SSX2IP: variants seen among roughly 807,000 people sequenced by gnomAD.
SSX2IP encodes the protein afadin- and alpha-actinin-binding protein.
Under a neutral mutation model 84.9 loss-of-function variants are expected in SSX2IP, and 55 were observed. That is an observed-to-expected ratio of 0.65 (90% CI 0.52 to 0.81). The LOEUF (loss-of-function observed/expected upper bound fraction) is 0.81. Ranked by LOEUF, SSX2IP falls within the 30% of genes least tolerant of loss-of-function variation. The pLI, the probability that SSX2IP is intolerant of heterozygous loss-of-function variation, is 0.00. For missense variants in SSX2IP, 664 were observed against 705.2 expected (o/e 0.94, Z 0.66); for synonymous variants, 239 against 234.7 (o/e 1.02, Z -0.17).
Position 84,662,498 on chromosome 1 carries a change from C to A in SSX2IP, c.706G>T (p.Asp236Tyr). 6.2e-7 allele frequency: 1 copy of A among 1,613,958 alleles called. No individual in the cohort carries two copies. The highest frequency in any genetic ancestry group is 8.5e-7 in the Non-Finnish European group (1 of 1,179,916). Residue 236 changes from aspartate (D) to tyrosine (Y), a missense_variant, in exon 7 of 14, where the codon GAT (aspartate) becomes TAT (tyrosine). Asp to Tyr is a radical substitution (Grantham distance 160). Coordinates refer to ENST00000342203, the MANE Select transcript of SSX2IP (RefSeq NM_001166293.2). ...MDILNYVGRA[D>Y]GKRGSWRTGK... ...GTCCTCCAGGAGCCTCTTTTTCCAT[C>A]AGCTCTCCCGACATAATTCAAAATG...
intron 11 of SSX2IP, chr1:84,655,593 A>G: frequency 6.9e-7 from 1 of 1,459,198 alleles, no homozygotes; most frequent in Non-Finnish European, 9.1e-7. Context: ...GCCAATCTGA[A>G]AGCAGTAATA....
At chr1:84,659,899 A>G (rs1275709702) in intron 8 of SSX2IP, among the ~76,000 whole-genome samples, 2 of 152,064 alleles carry the variant, frequency 1.3e-5, no homozygotes, top group African/African-American at 4.8e-5. Context: ...GGCTGGGCAC[A>G]GTGGCTCATG....
chr1:84,647,331 A>T lies in SSX2IP; in HGVS notation c.*102T>A. On this transcript the variant is annotated 3_prime_UTR_variant, in exon 14 of 14. Transcript: ENST00000342203. Reference sequence around the variant, plus strand: ...GAAGTCCAAACAAACAACTCAGACCATCTTAAGTTATTAGAGATAACTGAC... The same window carrying T: ...GAAGTCCAAACAAACAACTCAGACCTTCTTAAGTTATTAGAGATAACTGAC... The T allele has an allele frequency of 1.9e-6, 2 of 1,045,042 alleles. No homozygotes were observed. The highest frequency in any genetic ancestry group is 2.1e-5 in the South Asian group (1 of 48,702). 64.7% of individuals were successfully genotyped at this position (1,045,042 alleles called of 1,614,324 possible).
chr1:84,653,744 G>C (rs888288058), intron 11 of SSX2IP, among the ~76,000 whole-genome samples: 3 of 152,090 alleles, frequency 2.0e-5, no homozygotes, highest in Non-Finnish European at 2.9e-5. Context: ...TATTGATACA[G>C]AATCACGCAT....
intron 11 of SSX2IP, 162 bp downstream of exon 11, chr1:84,655,670 C>T: frequency 6.8e-7 from 1 of 1,475,934 alleles, no homozygotes. Flanking sequence ...TGATCCCATT[C>T]TATATGCTCA....
Position 84,670,629 on chromosome 1 carries a change from T to A in SSX2IP, c.213+17A>T, listed in dbSNP as rs1327834129. The A allele has an allele frequency of 1.2e-5, 19 of 1,543,720 alleles. No individual in the cohort carries two copies. Among genetic ancestry groups the A allele is most frequent in the Non-Finnish European group, 1.7e-5 (19 of 1,136,910 alleles). ...ATAACATGATTTATGCTACTGTTTT[T>A]TACAAAAACATGTTACCTGATCAAG... On this transcript the variant is annotated intron_variant, in intron 3 of 13. Transcript: ENST00000342203.
chr1:84,667,929 G>A (rs11164034), intron 4 of SSX2IP, among the ~76,000 whole-genome samples: 80,239 of 151,908 alleles, frequency 0.53, 23,033 homozygotes, highest in East Asian at 0.72. Flanking sequence ...CAATCTCCTC[G>A]TGACCTAGGA....
chr1:84,661,508 GCA>G (rs1478710779), intron 8 of SSX2IP, among the ~76,000 whole-genome samples: 8 of 151,706 alleles, frequency 5.3e-5, no homozygotes, highest in African/African-American at 1.9e-4. Flanking sequence ...ATTCTGTTCT[GCA>G]CATTGTACCA....
At chr1:84,661,032 G>A (rs1035447656) in intron 8 of SSX2IP, among the ~76,000 whole-genome samples, 34 of 143,182 alleles carry the variant, frequency 2.4e-4, no homozygotes, top group African/African-American at 8.3e-4. Flanking sequence ...GTGCCACTGC[G>A]CTCCAGCCTG....
intron 1 of SSX2IP, among the ~76,000 whole-genome samples, chr1:84,689,902 C>T (rs1389723713): frequency 6.6e-6 from 1 of 152,202 alleles, no homozygotes; most frequent in Admixed American, 6.5e-5. Context: ...CCCAATAACT[C>T]GTTTTAAAGA....
rs750656861 is a variant in SSX2IP at position 84,658,306 on chromosome 1, A to T, written c.1078+12T>A. On this transcript the variant is annotated intron_variant, in intron 9 of 13. Transcript: ENST00000342203. ...TCACAACTCACTTTACATGCATAGA[A>T]GCAGTGGTTACCTTGGTTATCAAGC... 7 of 1,613,942 alleles carry T rather than the reference A, an allele frequency of 4.3e-6. No homozygotes were observed. The highest frequency in any genetic ancestry group is 5.9e-6 in the Non-Finnish European group (7 of 1,179,902).
intron 1 of SSX2IP, among the ~76,000 whole-genome samples, chr1:84,680,696 G>T (rs1291648441): frequency 6.6e-6 from 1 of 151,910 alleles, no homozygotes; most frequent in Non-Finnish European, 1.5e-5. Flanking sequence ...CATAAATTCT[G>T]CTCTATAAAC....
At position 84,651,865 on chromosome 1, in the gene SSX2IP, A is replaced by C; in HGVS notation, c.1504+18T>G. 1 of 1,451,502 alleles carries C rather than the reference A, an allele frequency of 6.9e-7. No individual in the cohort carries two copies. The highest frequency in any genetic ancestry group is 1.8e-5 in the Admixed American group (1 of 54,570). 89.9% of individuals were successfully genotyped at this position (1,451,502 alleles called of 1,614,324 possible). A position where few individuals can be genotyped will look rare whatever the true frequency, so the allele number is the denominator to read the frequency against. On this transcript the variant is annotated intron_variant, in intron 12 of 13. Transcript: ENST00000342203. ...ATTTATATGCATGTTCAAATTAAAGAGTTTATAAAGTACTCACTTCCTGAG... is the reference window on the plus strand; with the variant it reads ...ATTTATATGCATGTTCAAATTAAAGCGTTTATAAAGTACTCACTTCCTGAG...
chr1:84,673,143 G>C (rs1158376862), intron 1 of SSX2IP, among the ~76,000 whole-genome samples: 1 of 152,192 alleles, frequency 6.6e-6, no homozygotes, highest in Non-Finnish European at 1.5e-5. Flanking sequence ...TATTCTGATG[G>C]AGATAGAAAT....
At chr1:84,676,571 C>T (rs148385411) in intron 1 of SSX2IP, among the ~76,000 whole-genome samples, 1 of 152,008 alleles carries the variant, frequency 6.6e-6, no homozygotes, top group Non-Finnish European at 1.5e-5. Flanking sequence ...ATCTATCATT[C>T]CTCATGTCCA....
intron 6 of SSX2IP, 90 bp downstream of exon 6, chr1:84,664,327 G>A (rs927854058): frequency 1.7e-5 from 21 of 1,207,288 alleles, no homozygotes; most frequent in South Asian, 1.2e-4. Flanking sequence ...ATAACATTTC[G>A]TGAGTTACTG....
intron 6 of SSX2IP, among the ~76,000 whole-genome samples, chr1:84,663,897 A>C (rs1253007056): frequency 6.6e-6 from 1 of 152,186 alleles, no homozygotes; most frequent in African/African-American, 2.4e-5. Context: ...GAAATGGCTT[A>C]AAGTTTTGAA....
chr1:84,683,449 A>T (rs927453005), intron 1 of SSX2IP, among the ~76,000 whole-genome samples: 16 of 152,214 alleles, frequency 1.1e-4, no homozygotes, highest in Non-Finnish European at 1.6e-4. Flanking sequence ...AACCTAGCAA[A>T]TATATTGCCA....
chr1:84,662,292 T>C lies in SSX2IP; in HGVS notation c.833A>G (p.Lys278Arg). Residue 278 changes from lysine (K) to arginine (R), a missense_variant, in exon 8 of 14, where the codon AAG becomes AGG. Transcript: ENST00000342203. Reference sequence around the variant, plus strand: ...CTTTTTCATTTGTTGAAGAACCTTCTTAAGTTCTGCATTTTCCATTAGGAT... The same window carrying C: ...CTTTTTCATTTGTTGAAGAACCTTCCTAAGTTCTGCATTTTCCATTAGGAT... ...KQILMENAELKKVLQQMKKEM... is the reference protein window; with the variant it reads ...KQILMENAELRKVLQQMKKEM... 9 of 1,608,132 alleles carry C rather than the reference T, an allele frequency of 5.6e-6. No homozygotes were observed. Among genetic ancestry groups the C allele is most frequent in the Non-Finnish European group, 7.7e-6 (9 of 1,176,088 alleles).
Sources: gnomAD v4.1 joint callset for allele counts (sites outside exome capture counted in the v4.1 genomes callset) on GRCh38, gnomAD v4.1.1 for gene constraint, MANE v1.5 for transcripts, NCBI Gene and HGNC (gene_info 2026-07-23, HGNC 2026-07-21) for gene names.